The following NAALADL2 variants were observed in gnomAD, a reference collection of about 807,000 sequenced individuals.
The protein encoded by NAALADL2 is N-acetylated alpha-linked acidic dipeptidase like 2, also known as inactive N-acetylated-alpha-linked acidic dipeptidase-like protein 2.
A neutral mutation model predicts 87.2 loss-of-function variants in NAALADL2; 76 were observed. The ratio of observed to expected loss-of-function variants is 0.87; its 90% confidence interval spans 0.72 to 1.05. NAALADL2 has a LOEUF of 1.05. Among genes scored for constraint, NAALADL2 ranks in the 50% least tolerant of loss-of-function variants. The probability of loss-of-function intolerance (pLI) is 0.00; values close to 1 mark genes in which losing one functional copy is unlikely to be tolerated. For missense variants in NAALADL2, 1,089 were observed against 945.8 expected (o/e 1.15, Z -1.99); for synonymous variants, 354 against 331.0 (o/e 1.07, Z -0.75).
At chr3:174,739,608 G>T (rs767680971) in intron 3 of NAALADL2, among the ~76,000 whole-genome samples, 3 of 152,018 alleles carry the variant, frequency 2.0e-5, no homozygotes, top group Non-Finnish European at 4.4e-5. Context: ...TCTTTTAGGT[G>T]GGTTTTTCCA....
chr3:175,601,990 A>G (rs1276674126), intron 10 of NAALADL2, among the ~76,000 whole-genome samples: 2 of 152,188 alleles, frequency 1.3e-5, no homozygotes, highest in Non-Finnish European at 2.9e-5. Flanking sequence ...TAAACAGTTG[A>G]TATTTTTATA....
chr3:174,684,548 TC>T (rs1337622318), intron 2 of NAALADL2, among the ~76,000 whole-genome samples: 1 of 152,138 alleles, frequency 6.6e-6, no homozygotes, highest in Non-Finnish European at 1.5e-5. Flanking sequence ...ATTTCAGACA[TC>T]CTTGCTGAGA....
intron 3 of NAALADL2, among the ~76,000 whole-genome samples, chr3:174,834,008 C>T (rs1337964603): frequency 6.6e-6 from 1 of 150,490 alleles, no homozygotes; most frequent in Non-Finnish European, 1.5e-5. Context: ...AATGTCTACT[C>T]TCTCAATTTC....
chr3:175,649,910 A>T (rs1489058267), intron 11 of NAALADL2, among the ~76,000 whole-genome samples: 3 of 151,618 alleles, frequency 2.0e-5, no homozygotes. Context: ...AACTCTAAAG[A>T]AAAAAAGTTC....
intron 1 of NAALADL2, among the ~76,000 whole-genome samples, chr3:174,882,883 GTATATATGTA>G (rs1213473941): frequency 6.8e-6 from 1 of 148,106 alleles, no homozygotes; most frequent in African/African-American, 2.5e-5. Context: ...GTGTATATGT[GTATATATGTA>G]TATATATGTG....
intron 3 of NAALADL2, among the ~76,000 whole-genome samples, chr3:174,745,827 C>T (rs538579926): frequency 6.6e-6 from 1 of 152,182 alleles, no homozygotes; most frequent in South Asian, 2.1e-4. Context: ...ATAAACAGAA[C>T]TAAAGACAAA....
intron 11 of NAALADL2, among the ~76,000 whole-genome samples, chr3:175,667,303 T>G (rs1032560621): frequency 2.6e-5 from 4 of 152,088 alleles, no homozygotes; most frequent in African/African-American, 7.2e-5. Context: ...TTAAATTGAC[T>G]AATTTCTATT....
chr3:175,204,005 C>T (rs1740454093), intron 2 of NAALADL2, among the ~76,000 whole-genome samples: 2 of 152,144 alleles, frequency 1.3e-5, no homozygotes, highest in Admixed American at 1.3e-4. Flanking sequence ...CAGCAAAATT[C>T]TACCAGACAT....
chr3:175,386,629 C>T (rs1157525381), intron 5 of NAALADL2, among the ~76,000 whole-genome samples: 1 of 151,748 alleles, frequency 6.6e-6, no homozygotes, highest in Non-Finnish European at 1.5e-5. Flanking sequence ...CAATGGCAGT[C>T]CAAAAAATAT....
chr3:175,095,722 T>C (rs1721040150), intron 1 of NAALADL2, among the ~76,000 whole-genome samples: 1 of 152,074 alleles, frequency 6.6e-6, no homozygotes, highest in African/African-American at 2.4e-5. Context: ...GGCAATTAGC[T>C]TATCAGTTAT....
chr3:175,446,900 T>C (rs1052298995), intron 5 of NAALADL2, among the ~76,000 whole-genome samples: 1 of 152,202 alleles, frequency 6.6e-6, no homozygotes, highest in Admixed American at 6.5e-5. Flanking sequence ...TAGAATCTTA[T>C]TACTATCTAT....
chr3:175,288,515 A>G (rs1405283384), intron 4 of NAALADL2, among the ~76,000 whole-genome samples: 4 of 152,190 alleles, frequency 2.6e-5, no homozygotes, highest in Non-Finnish European at 5.9e-5. Flanking sequence ...TCTTCAAGTA[A>G]TCTATCAAAA....
At chr3:175,627,811 G>C (rs1727201498) in intron 11 of NAALADL2, among the ~76,000 whole-genome samples, 1 of 151,534 alleles carries the variant, frequency 6.6e-6, no homozygotes, top group South Asian at 2.1e-4. Context: ...TTCATCTCAG[G>C]CCATGTATCT....
At chr3:175,558,214 A>AAAAAAG (rs1715657554) in intron 9 of NAALADL2, among the ~76,000 whole-genome samples, 1 of 146,338 alleles carries the variant, frequency 6.8e-6, no homozygotes, top group African/African-American at 2.5e-5. Flanking sequence ...AAAAAAAAAA[A>AAAAAAG]AAAGAAAGAA....
intron 2 of NAALADL2, among the ~76,000 whole-genome samples, chr3:174,643,153 C>A (rs1311696090): frequency 6.6e-6 from 1 of 152,102 alleles, no homozygotes; most frequent in African/African-American, 2.4e-5. Context: ...TTTATTGAGT[C>A]ACTCTTATAA....
At chr3:174,476,892 C>T (rs577790660) in intron 1 of NAALADL2, among the ~76,000 whole-genome samples, 1 of 152,050 alleles carries the variant, frequency 6.6e-6, no homozygotes, top group African/African-American at 2.4e-5. Flanking sequence ...TTTCTGAGGA[C>T]TTATGGAGAA....
intron 1 of NAALADL2, among the ~76,000 whole-genome samples, chr3:174,981,633 A>G (rs747641230): frequency 2.0e-5 from 3 of 152,222 alleles, no homozygotes; most frequent in Non-Finnish European, 4.4e-5. Context: ...TAGGCTTTTA[A>G]TAATGAAAGC....
At chr3:175,410,584 A>G (rs371334876) in intron 5 of NAALADL2, among the ~76,000 whole-genome samples, 5 of 138,708 alleles carry the variant, frequency 3.6e-5, no homozygotes, top group Non-Finnish European at 6.2e-5. Flanking sequence ...GCTCTTACAG[A>G]GCTTCTAGTC....
intron 3 of NAALADL2, among the ~76,000 whole-genome samples, chr3:174,849,478 T>G (rs1477222167): frequency 6.6e-6 from 1 of 152,110 alleles, no homozygotes; most frequent in Non-Finnish European, 1.5e-5. Flanking sequence ...GACTCACGCC[T>G]GTAATCCCAG....
Sources: allele counts gnomAD v4.1 joint callset (sites outside exome capture counted in the v4.1 genomes callset), GRCh38; gene constraint gnomAD v4.1.1; transcripts MANE v1.5; gene names NCBI Gene and HGNC (gene_info 2026-07-23, HGNC 2026-07-21).